Variants in ACOT11 observed in about 807,000 individuals in gnomAD.
ACOT11 encodes the protein acyl-CoA thioesterase 11, also known as acyl-coenzyme A thioesterase 11.
A neutral mutation model predicts 77.5 loss-of-function variants in ACOT11; 69 were observed. The observed-to-expected ratio is 0.89, with a 90% confidence interval of 0.73 to 1.09. The LOEUF (loss-of-function observed/expected upper bound fraction) is 1.09, where lower values mean the gene tolerates loss of function less well. Ranked by LOEUF, ACOT11 falls within the 50% of genes least tolerant of loss-of-function variation. The pLI is 0.00. For synonymous variants in ACOT11, 279 were observed against 313.0 expected, an observed-to-expected ratio of 0.89 and a Z score of 1.15; for missense variants, 766 against 813.7, an observed-to-expected ratio of 0.94 and a Z score of 0.71.
At chr1:54,552,045 G>T (rs1270189218) in intron 1 of ACOT11, among the ~76,000 whole-genome samples, 3 of 152,126 alleles carry the variant, frequency 2.0e-5, no homozygotes, top group Non-Finnish European at 4.4e-5. Flanking sequence ...GGAGGTTCAG[G>T]CACAACAGTT....
At chr1:54,620,792 T>G (rs1279205239) in intron 15 of ACOT11, among the ~76,000 whole-genome samples, 2 of 131,568 alleles carry the variant, frequency 1.5e-5, no homozygotes, top group East Asian at 4.5e-4. Context: ...GAGGTTGTAG[T>G]GAGCCGAGAT....
intron 1 of ACOT11, among the ~76,000 whole-genome samples, chr1:54,576,069 C>A (rs886171761): frequency 1.1e-4 from 16 of 152,148 alleles, no homozygotes; most frequent in African/African-American, 3.6e-4. Flanking sequence ...TGGGGAGTTT[C>A]TCAGACTGGG....
At chr1:54,614,504 T>A (rs1644150591), downstream of ACOT11, among the ~76,000 whole-genome samples, 1 of 151,994 alleles carries the variant, frequency 6.6e-6, no homozygotes, top group African/African-American at 2.4e-5. Flanking sequence ...TAGGAGATAA[T>A]GACTGGCCAG....
At chr1:54,572,830 CTGGA>C (rs1653971641) in intron 1 of ACOT11, among the ~76,000 whole-genome samples, 2 of 152,334 alleles carry the variant, frequency 1.3e-5, no homozygotes, top group Admixed American at 6.5e-5. Context: ...CAAGCTCATG[CTGGA>C]CAGCCACCAG....
intron 15 of ACOT11, among the ~76,000 whole-genome samples, chr1:54,625,659 C>T (rs554023326): frequency 6.6e-6 from 1 of 152,236 alleles, no homozygotes; most frequent in East Asian, 1.9e-4. Flanking sequence ...AATGCTGAGC[C>T]AGGCGCGGTG....
chr1:54,599,223 T>A (rs1166006022), intron 7 of ACOT11, 73 bp from the exon 8 acceptor site: 181 of 190,976 alleles, frequency 9.5e-4, no homozygotes, highest in African/African-American at 9.4e-3. Context: ...TATATATATA[T>A]AAAAATCTGG....
In ACOT11 at chr1:54,607,276, A is replaced by T. The variant is rs752680454; in HGVS notation, c.1502+11A>T. 6.2e-7 allele frequency: 1 copy of T among 1,613,952 alleles called. No individual in the cohort carries two copies. Among genetic ancestry groups the T allele is most frequent in the South Asian group, 1.1e-5 (1 of 91,084 alleles). On this transcript the variant is annotated intron_variant, in intron 14 of 15. Coordinates refer to ENST00000343744, the MANE Select transcript of ACOT11 (RefSeq NM_147161.4). The surrounding 1 kb of genome is among the most constrained non-coding windows in gnomAD (Gnocchi z 4.5). ...GCCTTGTGACAATGGGTGTGTGCCT[A>T]TCTGCTGTGGGGTGGGGGACACAAC... is the stretch of plus-strand genomic sequence containing the variant.
chr1:54,577,260 A>G (rs545274188), intron 1 of ACOT11, among the ~76,000 whole-genome samples: 2 of 152,276 alleles, frequency 1.3e-5, no homozygotes, highest in South Asian at 4.2e-4. Context: ...TTTCCATCAC[A>G]CTAAAGTACT....
chr1:54,600,468 C>T (rs112129526), intron 8 of ACOT11, among the ~76,000 whole-genome samples: 1 of 152,228 alleles, frequency 6.6e-6, no homozygotes, highest in Non-Finnish European at 1.5e-5. Flanking sequence ...AGATCACTTA[C>T]GGCTCGGAGT....
At chr1:54,576,419 CCTGGGAGGTGGAGG>C in intron 1 of ACOT11, among the ~76,000 whole-genome samples, 1 of 148,760 alleles carries the variant, frequency 6.7e-6, no homozygotes, top group East Asian at 2.0e-4. Flanking sequence ...ATCACTGGAG[CCTGGGAGGTGGAGG>C]CTGCAGTGAG....
chr1:54,601,145 G>GTCTA (rs1643958017), intron 8 of ACOT11, 124 bp from the exon 9 acceptor site: 1 of 1,110,894 alleles, frequency 9.0e-7, no homozygotes, highest in Non-Finnish European at 1.3e-6. Flanking sequence ...GCATACGTGT[G>GTCTA]TGTGTGTGCA....
chr1:54,585,411 G>C (rs2100979834), intron 2 of ACOT11, among the ~76,000 whole-genome samples: 1 of 152,314 alleles, frequency 6.6e-6, no homozygotes, highest in Non-Finnish European at 1.5e-5. Context: ...AGTCCTGAGG[G>C]TGAGTGAGAA....
intron 8 of ACOT11, 114 bp downstream of exon 8, chr1:54,599,529 C>T: frequency 2.6e-6 from 3 of 1,166,216 alleles, no homozygotes; most frequent in Non-Finnish European, 2.2e-6. Flanking sequence ...CAGACAGGGT[C>T]TAAATCCCTG....
rs1654479130 is a variant in ACOT11 at position 54,585,822 on chromosome 1, C to T, written c.242-13C>T. ...GAGGCTGCTAATGTCTGGCTTTCTT[C>T]TGCTGACACCAGCGGAGAGGCACGC... On this transcript the variant is annotated splice_polypyrimidine_tract_variant and intron_variant, in intron 2 of 15. Transcript: ENST00000343744. The T allele has an allele frequency of 1.2e-6, 2 of 1,613,828 alleles. No homozygotes were observed. Among genetic ancestry groups the T allele is most frequent in the Non-Finnish European group, 1.7e-6 (2 of 1,179,934 alleles).
chr1:54,618,548 T>C (rs1474346671), intron 15 of ACOT11, among the ~76,000 whole-genome samples: 1 of 152,036 alleles, frequency 6.6e-6, no homozygotes, highest in Non-Finnish European at 1.5e-5. Context: ...TTAAAAATTG[T>C]GACTTGCCTT....
Position 54,594,621 on chromosome 1 carries a change from G to T in ACOT11, c.537G>T (p.Glu179Asp). ...AGATGGAGCACAGTGTGGCGGCTGA[G>T]CGCCGGCGCATGCGCCTTGTCTATG... The part of the protein sequence containing the change: ...EEKMEHSVAA[E>D]RRRMRLVYAD... Residue 179 changes from glutamate to aspartate, a missense_variant, in exon 6 of 16, where the codon GAG (glutamate) becomes GAT (aspartate). Transcript: ENST00000343744. 6.2e-7 allele frequency: 1 copy of T among 1,614,150 alleles called. No homozygotes were observed. The highest frequency in any genetic ancestry group is 8.5e-7 in the Non-Finnish European group (1 of 1,180,006).
Position 54,570,375 on chromosome 1 carries a change from T to C in ACOT11, c.34-14280T>C, listed in dbSNP as rs572238766. ...GTGCCAGGAGGGAAAGCAGATGCCATTGTCATAGCCCAGGGCTGAAAGGCT... is the reference window on the plus strand; with the variant it reads ...GTGCCAGGAGGGAAAGCAGATGCCACTGTCATAGCCCAGGGCTGAAAGGCT... On this transcript the variant is annotated intron_variant, in intron 1 of 15. Coordinates refer to ENST00000343744, the MANE Select transcript of ACOT11 (RefSeq NM_147161.4). Among the ~76,000 whole-genome samples, 14 of 152,312 alleles carry C rather than the reference T, an allele frequency of 9.2e-5. No homozygotes were observed. The South Asian group carries it at 2.9e-3, about 32-fold the overall frequency.
chr1:54,595,857 G>A (rs1356420885), intron 6 of ACOT11, among the ~76,000 whole-genome samples: 2 of 152,178 alleles, frequency 1.3e-5, no homozygotes, highest in African/African-American at 2.4e-5. Context: ...ACCAAAAGGA[G>A]GCGATCTTAG....
At chr1:54,558,075 T>G (rs1277785751) in intron 1 of ACOT11, among the ~76,000 whole-genome samples, 1 of 152,194 alleles carries the variant, frequency 6.6e-6, no homozygotes, top group African/African-American at 2.4e-5. Flanking sequence ...CTAGAGTTAA[T>G]GACGTCTCCT....
Sources: gnomAD v4.1 joint callset for allele counts (sites outside exome capture counted in the v4.1 genomes callset) on GRCh38, gnomAD v4.1.1 for gene constraint, Gnocchi (gnomAD v3.1) non-coding constraint, MANE v1.5 for transcripts, NCBI Gene and HGNC (gene_info 2026-07-23, HGNC 2026-07-21) for gene names.